The following DEPDC7 variants were observed in gnomAD, a reference collection of about 807,000 sequenced individuals.
DEPDC7 encodes DEP domain-containing protein 7.
In DEPDC7, 41 loss-of-function variants were observed where a neutral mutation model predicts 56.6. The observed-to-expected ratio is 0.72, with a 90% CI of 0.56 to 0.94. DEPDC7 has a LOEUF of 0.94. Ranked by LOEUF, DEPDC7 falls within the 40% of genes least tolerant of loss-of-function variation. The pLI is 0.00. For synonymous variants in DEPDC7, 185 were observed against 208.8 expected (o/e 0.89, Z 0.98); for missense variants, 522 against 596.3 (o/e 0.88, Z 1.30).
rs1161947038 is a variant in DEPDC7 at position 33,033,498 on chromosome 11, T to A, written c.*43T>A. 1.7e-5 allele frequency: 22 copies of A among 1,277,114 alleles called. No individual in the cohort carries two copies. The highest frequency in any genetic ancestry group is 2.3e-5 in the Non-Finnish European group (22 of 936,426). The allele number at this position is 1,277,114 out of a possible 1,614,324, so 79.1% of individuals were successfully genotyped here. A position where few individuals can be genotyped will look rare whatever the true frequency, so the allele number is the denominator to read the frequency against. ...ATAAGTTGTGTATTTTAAGAATAAA[T>A]TATGTATCCTAAATATCCAATCACA... On this transcript the variant is annotated 3_prime_UTR_variant, in exon 9 of 9. Transcript: ENST00000241051.
At chr11:33,027,527 G>A (rs763677063) in intron 2 of DEPDC7, among the ~76,000 whole-genome samples, 159 bp from the exon 3 acceptor site, 1 of 152,196 alleles carries the variant, frequency 6.6e-6, no homozygotes, top group South Asian at 2.1e-4. Flanking sequence ...GCTTGAGAAA[G>A]AAGGTGGGTG....
rs146250668 is a variant in DEPDC7, at chr11:33,027,631, T to G, written c.465-55T>G. 5,705 of 1,426,618 alleles carry G rather than the reference T, an allele frequency of 4.0e-3. 189 individuals carry two copies. In the African/African-American group the frequency reaches 0.074, roughly 19 times the overall value. 88.4% of individuals were successfully genotyped at this position (1,426,618 alleles called of 1,614,324 possible). ...TAGAAAACTCTTAGCTCTCAAATAC[T>G]AAAATATTTCTGTGGGCTTAGTAAA... On this transcript the variant is annotated intron_variant, in intron 2 of 8. Coordinates refer to ENST00000241051, the MANE Select transcript of DEPDC7 (RefSeq NM_001077242.2).
At chr11:33,028,967 ATT>A (rs1408381169) in intron 4 of DEPDC7, among the ~76,000 whole-genome samples, 175 bp downstream of exon 4, 6 of 152,026 alleles carry the variant, frequency 3.9e-5, no homozygotes, top group Non-Finnish European at 7.4e-5. Context: ...TTAGAAAAAG[ATT>A]TGTTTCATTT....
At position 33,027,757 on chromosome 11, in the gene DEPDC7, G is replaced by GT. The variant is rs1853593711; in HGVS notation, c.539dup (p.Leu180PhefsTer21). On this transcript the variant is annotated frameshift_variant, in exon 3 of 9. Transcript: ENST00000241051. LOFTEE classifies it high-confidence loss of function. ...TTAGAGGACCTGTGGGAAAATCTGA[G>GT]TTTAAAGCCTGCCAACTCCCCTCAT... The GT allele has an allele frequency of 6.3e-7, 1 of 1,578,786 alleles. No individual in the cohort carries two copies.
At chr11:33,031,017 G>C (rs1853627742) in intron 4 of DEPDC7, among the ~76,000 whole-genome samples, 1 of 152,234 alleles carries the variant, frequency 6.6e-6, no homozygotes, top group South Asian at 2.1e-4. Flanking sequence ...TCAGATCTGA[G>C]ATCTAGTCCT....
intron 1 of DEPDC7, among the ~76,000 whole-genome samples, chr11:33,025,249 C>G (rs186577200): frequency 6.6e-6 from 1 of 152,294 alleles, no homozygotes; most frequent in East Asian, 1.9e-4. Context: ...TTGCTTCTTG[C>G]TTCTTGGTTT....
rs899026501 is a variant in DEPDC7, at chr11:33,016,146, G to C, written c.73+118G>C. On this transcript the variant is annotated intron_variant, in intron 1 of 8. Transcript: ENST00000241051. ...GGCCGCCTGCGCCTGTCAACGGCCG[G>C]CTGGGCGAGCACAGCACAGCTGCGA... 840 of 1,235,458 alleles carry C rather than the reference G, an allele frequency of 6.8e-4. 1 individual carries two copies. The highest frequency in any genetic ancestry group is 8.1e-4 in the Non-Finnish European group (806 of 993,406). 76.5% of individuals were successfully genotyped at this position (1,235,458 alleles called of 1,614,324 possible). A position where few individuals can be genotyped will look rare whatever the true frequency, so the allele number is the denominator to read the frequency against.
rs1345439591 is a variant in DEPDC7 at position 33,028,591 on chromosome 11, T to C, written c.593-12T>C. On this transcript the variant is annotated splice_polypyrimidine_tract_variant and intron_variant, in intron 3 of 8. Transcript: ENST00000241051. ...AATTGTTACTTTTCACCTTGTCATT[T>C]TTCCTGTGTAGTTATTAATGAAGTG... 1 of 1,567,158 alleles carries C rather than the reference T, an allele frequency of 6.4e-7. No homozygotes were observed. The highest frequency in any genetic ancestry group is 8.6e-7 in the Non-Finnish European group (1 of 1,160,808).
At position 33,032,744 on chromosome 11, in the gene DEPDC7, C is replaced by A; in HGVS notation, c.1214C>A (p.Thr405Lys). ...VDNKNLSKGKTDLLVLFLMDH... is the reference protein window; with the variant it reads ...VDNKNLSKGKKDLLVLFLMDH... ...AATAAAAATTTATCCAAAGGCAAAA[C>A]AGATCTTCTGGTACTCTTTTTAATG... is the stretch of plus-strand genomic sequence containing the variant. Residue 405 changes from threonine to lysine, a missense_variant, in exon 7 of 9, where the codon ACA (threonine) becomes AAA (lysine). By Grantham distance (78) the Thr-to-Lys change is moderately conservative (BLOSUM62 -1). Transcript: ENST00000241051. 6.2e-7 allele frequency: 1 copy of A among 1,607,382 alleles called. No individual in the cohort carries two copies. The highest frequency in any genetic ancestry group is 8.5e-7 in the Non-Finnish European group (1 of 1,177,566).
rs1425041655 is a variant in DEPDC7, at chr11:33,033,093, T to C, written c.1342+126T>C. ...ATTTAAAACATTCTCCTCAGAGTTA[T>C]TCATACAAAGCAACTTTACAAGTGT... On this transcript the variant is annotated intron_variant, in intron 8 of 8. Transcript: ENST00000241051. 5.2e-6 allele frequency: 5 copies of C among 954,552 alleles called. No individual in the cohort carries two copies. The Admixed American group carries it at 9.1e-5, about 17-fold the overall frequency. The allele number at this position is 954,552 out of a possible 1,614,324, so 59.1% of individuals were successfully genotyped here. A position where few individuals can be genotyped will look rare whatever the true frequency, so the allele number is the denominator to read the frequency against.
chr11:33,021,617 G>T (rs1853525359), intron 1 of DEPDC7, among the ~76,000 whole-genome samples: 1 of 152,186 alleles, frequency 6.6e-6, no homozygotes, highest in Non-Finnish European at 1.5e-5. Flanking sequence ...CAAGTCCAGG[G>T]TACATTGTGT....
intron 5 of DEPDC7, 144 bp from the exon 6 acceptor site, chr11:33,032,192 A>T (rs553584117): frequency 7.1e-5 from 51 of 722,784 alleles, no homozygotes; most frequent in Middle Eastern, 8.3e-4. Context: ...TTCACCATTC[A>T]TTGTTAATTC....
At chr11:33,025,349 A>G (rs1490843814) in intron 1 of DEPDC7, among the ~76,000 whole-genome samples, 1 of 151,904 alleles carries the variant, frequency 6.6e-6, no homozygotes, top group Middle Eastern at 3.2e-3. Context: ...ATCCAGCTTT[A>G]TTTTTCTTCT....
At chr11:33,030,961 G>A (rs1853627296) in intron 4 of DEPDC7, among the ~76,000 whole-genome samples, 1 of 152,194 alleles carries the variant, frequency 6.6e-6, no homozygotes, top group Admixed American at 6.5e-5. Flanking sequence ...CATAGACAGA[G>A]GTCTGAAGTA....
rs1476574214 is a variant in DEPDC7, at chr11:33,016,141, G to C, written c.73+113G>C. ...CGTTCGGCCGCCTGCGCCTGTCAAC[G>C]GCCGGCTGGGCGAGCACAGCACAGC... On this transcript the variant is annotated intron_variant, in intron 1 of 8. Transcript: ENST00000241051. 3 of 1,235,102 alleles carry C rather than the reference G, an allele frequency of 2.4e-6. No individual in the cohort carries two copies. In the African/African-American group the frequency reaches 4.7e-5, roughly 19 times the overall value. The allele number at this position is 1,235,102 out of a possible 1,614,324, so 76.5% of individuals were successfully genotyped here. A position where few individuals can be genotyped will look rare whatever the true frequency, so the allele number is the denominator to read the frequency against.
chr11:33,025,016 G>A (rs1469715726), intron 1 of DEPDC7, among the ~76,000 whole-genome samples: 1 of 152,130 alleles, frequency 6.6e-6, no homozygotes, highest in Non-Finnish European at 1.5e-5. Context: ...TACATAAGAT[G>A]TGTAATAGAA....
chr11:33,032,571 T>A (rs545288063), intron 6 of DEPDC7, 93 bp downstream of exon 6: 2 of 1,380,722 alleles, frequency 1.4e-6, no homozygotes, highest in South Asian at 3.0e-5. Flanking sequence ...TCAAGTATGC[T>A]GAAATGTATA....
At chr11:33,023,689 C>T (rs1026035664) in intron 1 of DEPDC7, among the ~76,000 whole-genome samples, 3 of 152,170 alleles carry the variant, frequency 2.0e-5, no homozygotes, top group Admixed American at 6.5e-5. Context: ...CCTGCTACCA[C>T]GCCCGGCCAA....
chr11:33,019,646 ACAAAGTGAGACTCTGTCT>A (rs1481931778), intron 1 of DEPDC7, among the ~76,000 whole-genome samples: 14 of 152,218 alleles, frequency 9.2e-5, no homozygotes, highest in Non-Finnish European at 2.1e-4. Context: ...AACCTGGATG[ACAAAGTGAGACTCTGTCT>A]CAAAAAAGAA....
Sources: gnomAD v4.1 joint callset for allele counts (sites outside exome capture counted in the v4.1 genomes callset) on GRCh38, gnomAD v4.1.1 for gene constraint, MANE v1.5 for transcripts, NCBI Gene and HGNC (gene_info 2026-07-23, HGNC 2026-07-21) for gene names.